The following LDLRAD4 variants were observed in gnomAD, a reference collection of about 807,000 sequenced individuals.
LDLRAD4 encodes low density lipoprotein receptor class A domain containing 4.
LDLRAD4 carries 5 observed loss-of-function variants against 17.0 expected under a neutral mutation model. That is an observed-to-expected ratio of 0.29 (90% CI 0.15 to 0.62). The LOEUF is 0.62. LDLRAD4 is among the 20% of genes least tolerant of loss of function. The pLI is 0.84. For synonymous variants in LDLRAD4, 168 were observed against 171.8 expected, an observed-to-expected ratio of 0.98 and a Z score of 0.17; for missense variants, 340 against 424.7, an observed-to-expected ratio of 0.80 and a Z score of 1.75.
intron 1 of LDLRAD4, among the ~76,000 whole-genome samples, chr18:13,292,236 G>A (rs2046004323): frequency 6.6e-6 from 1 of 152,198 alleles, no homozygotes; most frequent in Non-Finnish European, 1.5e-5. Context: ...GTGGCAAACA[G>A]CAGCACTGGG....
chr18:13,290,126 C>T (rs1372646292), intron 1 of LDLRAD4, among the ~76,000 whole-genome samples: 1 of 152,210 alleles, frequency 6.6e-6, no homozygotes, highest in Admixed American at 6.5e-5. Flanking sequence ...TAGTTGGTGC[C>T]TCCCCTTTGC....
chr18:13,489,216 T>G (rs34501749), intron 3 of LDLRAD4: 54,349 of 149,916 alleles, frequency 0.36, 10,555 homozygotes, highest in Middle Eastern at 0.51. Context: ...GTGCAATGGT[T>G]CGATCTTGGC....
rs78569987 is a variant in LDLRAD4, at chr18:13,605,140, A to G, written c.182-15977A>G. ...CAGAATTAGAGTGTTCTCTTAACATATGGTGTCCAGAAATCCTGAAAGACT... is the reference window on the plus strand; with the variant it reads ...CAGAATTAGAGTGTTCTCTTAACATGTGGTGTCCAGAAATCCTGAAAGACT... On this transcript the variant is annotated intron_variant, in intron 3 of 5. Transcript: ENST00000359446. Among the ~76,000 whole-genome samples, 419 of 152,320 alleles carry G rather than the reference A, an allele frequency of 2.8e-3. 2 individuals carry two copies. Among genetic ancestry groups the G allele is most frequent in the African/African-American group, 9.4e-3 (392 of 41,568 alleles).
chr18:13,473,678 T>TATATATAA (rs374731826), intron 3 of LDLRAD4, among the ~76,000 whole-genome samples: 2,532 of 79,756 alleles, frequency 0.032, 431 homozygotes, highest in Non-Finnish European at 0.036. Flanking sequence ...TATATATATA[T>TATATATAA]AACGTTTACA....
intron 2 of LDLRAD4, among the ~76,000 whole-genome samples, chr18:13,399,376 T>C (rs1261525076): frequency 6.6e-6 from 1 of 152,184 alleles, no homozygotes; most frequent in Non-Finnish European, 1.5e-5. Context: ...CTTCCTTATC[T>C]ATAATGTGAA....
chr18:13,578,840 T>TTTTTTTTTTTTTTTTTTTTTTTTTTTTTG, intron 3 of LDLRAD4, among the ~76,000 whole-genome samples: 1 of 133,462 alleles, frequency 7.5e-6, no homozygotes, highest in Non-Finnish European at 1.6e-5. Flanking sequence ...TTTTTTTTTT[T>TTTTTTTTTTTTTTTTTTTTTTTTTTTTTG]TTTTTTTTTT....
chr18:13,492,225 G>A (rs929890823), intron 3 of LDLRAD4, among the ~76,000 whole-genome samples: 6 of 152,306 alleles, frequency 3.9e-5, no homozygotes, highest in East Asian at 1.9e-4. Context: ...GGAAGGATGC[G>A]AGTGGCCTGC....
At chr18:13,577,327 G>A (rs572479634) in intron 3 of LDLRAD4, among the ~76,000 whole-genome samples, 1 of 152,318 alleles carries the variant, frequency 6.6e-6, no homozygotes, top group East Asian at 1.9e-4. Context: ...TTTGAGAACT[G>A]AGAGAATGGA....
intron 1 of LDLRAD4, among the ~76,000 whole-genome samples, chr18:13,266,339 G>A (rs376076968): frequency 1.2e-4 from 18 of 152,174 alleles, no homozygotes; most frequent in African/African-American, 1.2e-4. Context: ...AGGGCAGGGC[G>A]TGGCTTCATT....
At chr18:13,429,593 C>T (rs1057270924) in intron 2 of LDLRAD4, among the ~76,000 whole-genome samples, 13 of 152,230 alleles carry the variant, frequency 8.5e-5, no homozygotes, top group Non-Finnish European at 4.4e-5. Context: ...TTTTCAAAAT[C>T]CCTGTCTTAA....
chr18:13,590,479 C>T (rs1385940571), intron 3 of LDLRAD4, among the ~76,000 whole-genome samples: 1 of 152,196 alleles, frequency 6.6e-6, no homozygotes, highest in African/African-American at 2.4e-5. Context: ...TTCTTGTGTG[C>T]CTGTGACTGT....
At chr18:13,518,688 G>T (rs56870459) in intron 3 of LDLRAD4, among the ~76,000 whole-genome samples, 6,620 of 152,208 alleles carry the variant, frequency 0.043, 270 homozygotes, top group East Asian at 0.23. Flanking sequence ...TCTCCAGGGG[G>T]TCCATGAATT....
intron 1 of LDLRAD4, among the ~76,000 whole-genome samples, chr18:13,319,290 C>T (rs867996047): frequency 3.9e-5 from 6 of 152,174 alleles, no homozygotes; most frequent in Admixed American, 6.5e-5. Flanking sequence ...TCCCAGTTCA[C>T]GGGCGAGTAA....
intron 3 of LDLRAD4, chr18:13,612,832 C>T: frequency 1.2e-6 from 2 of 1,605,626 alleles, no homozygotes. Flanking sequence ...TGCTGTGGTT[C>T]TTCTTGGAGT....
At chr18:13,573,032 G>T in intron 3 of LDLRAD4, among the ~76,000 whole-genome samples, 1 of 152,208 alleles carries the variant, frequency 6.6e-6, no homozygotes, top group East Asian at 1.9e-4. Flanking sequence ...TTGGAAAGCT[G>T]CAGTGTTCAT....
chr18:13,556,708 A>G (rs754377662), intron 3 of LDLRAD4, among the ~76,000 whole-genome samples: 3 of 152,132 alleles, frequency 2.0e-5, no homozygotes, highest in Non-Finnish European at 1.5e-5. Context: ...ACACGGGAAT[A>G]TGTTTGGAAA....
intron 4 of LDLRAD4, among the ~76,000 whole-genome samples, chr18:13,629,937 ACTT>A (rs991603994): frequency 5.3e-5 from 8 of 152,114 alleles, no homozygotes; most frequent in African/African-American, 9.7e-5. Flanking sequence ...CTGAGCTCTG[ACTT>A]CTTCTCACAT....
intron 1 of LDLRAD4, chr18:13,234,951 A>G (rs1276930064): frequency 6.6e-6 from 1 of 152,166 alleles, no homozygotes; most frequent in African/African-American, 2.4e-5. Flanking sequence ...ATCAAGCTGT[A>G]AAAAAATCAT....
At chr18:13,596,477 C>T (rs2095097065) in intron 3 of LDLRAD4, among the ~76,000 whole-genome samples, 1 of 152,038 alleles carries the variant, frequency 6.6e-6, no homozygotes, top group African/African-American at 2.4e-5. Context: ...AATGGTTGCT[C>T]TCAAGCTTAA....
Sources: allele counts gnomAD v4.1 joint callset (sites outside exome capture counted in the v4.1 genomes callset), GRCh38; gene constraint gnomAD v4.1.1; transcripts MANE v1.5; gene names NCBI Gene and HGNC (gene_info 2026-07-23, HGNC 2026-07-21).